Variants in NLRP5 observed in about 807,000 individuals in gnomAD.
NLRP5 encodes the protein NACHT, LRR and PYD domains-containing protein 5.
NLRP5 carries 93 observed loss-of-function variants against 113.1 expected under a neutral mutation model. The observed-to-expected ratio is 0.82, with a 90% CI of 0.70 to 0.98. The LOEUF (loss-of-function observed/expected upper bound fraction) is 0.98, where lower values mean the gene tolerates loss of function less well. Among genes scored for constraint, NLRP5 ranks in the 50% least tolerant of loss-of-function variants. The probability of loss-of-function intolerance (pLI) is 0.00; values close to 1 mark genes in which losing one functional copy is unlikely to be tolerated. For synonymous variants in NLRP5, 751 were observed against 600.7 expected (o/e 1.25, Z -3.66); for missense variants, 1,808 against 1,514.3 (o/e 1.19, Z -3.22).
Position 56,053,685 on chromosome 19 carries a change from G to C in NLRP5, c.3176G>C (p.Cys1059Ser), listed in dbSNP as rs769974825. The C allele has an allele frequency of 6.2e-7, 1 of 1,613,948 alleles. No individual in the cohort carries two copies. Among genetic ancestry groups the C allele is most frequent in the South Asian group, 1.1e-5 (1 of 91,074 alleles). ...GCCGCGTGCTGTGAGAGTCTGTCCT[G>C]TGTGATCTCGAGGAGCAGACACCTG... is the stretch of plus-strand genomic sequence containing the variant. The change falls in exon 13 of 15, where the codon TGT (cysteine) becomes TCT (serine). Residue 1059 changes from cysteine to serine, a missense_variant. Cys to Ser is a moderately radical substitution (Grantham distance 112). Coordinates refer to ENST00000390649, the MANE Select transcript of NLRP5 (RefSeq NM_153447.4).
At chr19:56,020,874 A>ATTTT (rs36047346) in intron 6 of NLRP5, among the ~76,000 whole-genome samples, 2 of 137,552 alleles carry the variant, frequency 1.5e-5, no homozygotes, top group African/African-American at 5.4e-5. Flanking sequence ...CCTTCGTGGC[A>ATTTT]TTTTTTTTTT....
intron 9 of NLRP5, among the ~76,000 whole-genome samples, chr19:56,035,841 G>C (rs368713788): frequency 2.0e-5 from 3 of 152,076 alleles, no homozygotes; most frequent in South Asian, 4.1e-4. Context: ...AAGATGGATT[G>C]GGCCACATCG....
chr19:55,998,841 C>T (rs181725224), upstream of NLRP5, among the ~76,000 whole-genome samples: 372 of 150,546 alleles, frequency 2.5e-3, 4 homozygotes, highest in African/African-American at 8.6e-3. Flanking sequence ...TTGCGAGGTA[C>T]AATGCGATGT....
At chr19:56,015,702 C>T (rs1568486300) in intron 3 of NLRP5, 40 bp from the exon 4 acceptor site, 2 of 1,496,420 alleles carry the variant, frequency 1.3e-6, no homozygotes, top group East Asian at 2.4e-5. Context: ...ATAATATACA[C>T]AGTATGTTTG....
chr19:56,056,862 G>A (rs538966012), intron 13 of NLRP5, among the ~76,000 whole-genome samples: 14 of 152,256 alleles, frequency 9.2e-5, no homozygotes, highest in Middle Eastern at 3.4e-3. Flanking sequence ...AATTCCAGCC[G>A]GGTGCGGTGG....
chr19:56,019,077 C>T (rs563240399), intron 4 of NLRP5, among the ~76,000 whole-genome samples: 9 of 152,090 alleles, frequency 5.9e-5, no homozygotes, highest in Admixed American at 2.6e-4. Flanking sequence ...ATTACAGGTG[C>T]GAACGACCAC....
At chr19:56,007,050 T>C (rs1981949088) in intron 2 of NLRP5, among the ~76,000 whole-genome samples, 2 of 151,412 alleles carry the variant, frequency 1.3e-5, no homozygotes, top group Admixed American at 1.3e-4. Flanking sequence ...AAAATAAAAT[T>C]TTTTAAAAAT....
chr19:56,061,308 A>C (rs1409916920), intron 14 of NLRP5, 88 bp from the exon 15 acceptor site: 2 of 1,448,476 alleles, frequency 1.4e-6, no homozygotes, highest in Non-Finnish European at 1.9e-6. Flanking sequence ...AAGGTTTGAG[A>C]TCCTTGATGA....
rs189013533 is a variant in NLRP5 at position 56,053,426 on chromosome 19, C to T, written c.3129-212C>T. On this transcript the variant is annotated intron_variant, in intron 12 of 14. Coordinates refer to ENST00000390649, the MANE Select transcript of NLRP5 (RefSeq NM_153447.4). ...AAAATTAATTAAAAAATAAAGATAC[C>T]TTCAATCACACCAGACACTTTCCCC... Among the ~76,000 whole-genome samples, 5 of 152,134 alleles carry T rather than the reference C, an allele frequency of 3.3e-5. No individual in the cohort carries two copies. In the East Asian group the frequency reaches 5.8e-4, roughly 18 times the overall value.
intron 11 of NLRP5, among the ~76,000 whole-genome samples, chr19:56,044,670 T>G (rs147658210): frequency 1.3e-5 from 2 of 152,308 alleles, no homozygotes; most frequent in African/African-American, 4.8e-5. Flanking sequence ...TTCTTTTTGC[T>G]GAGTTTTGCT....
chr19:56,000,275 A>AATGACAGTTGTCCAGGGACG, intron 1 of NLRP5, among the ~76,000 whole-genome samples: 1 of 152,224 alleles, frequency 6.6e-6, no homozygotes, highest in African/African-American at 2.4e-5. Context: ...CACTCTTTTC[A>AATGACAGTTGTCCAGGGACG]GAGGCCCTTC....
At chr19:56,058,876 T>C (rs914871704) in intron 14 of NLRP5, among the ~76,000 whole-genome samples, 6 of 152,198 alleles carry the variant, frequency 3.9e-5, no homozygotes, top group African/African-American at 1.2e-4. Flanking sequence ...AACAATGGAA[T>C]TGTATTCAGT....
chr19:56,026,633 C>T (rs1030121563), intron 6 of NLRP5, among the ~76,000 whole-genome samples: 2 of 149,952 alleles, frequency 1.3e-5, no homozygotes, highest in African/African-American at 4.9e-5. Context: ...GGCTGGAGTG[C>T]AGTGGTGTAA....
At chr19:56,051,199 T>C (rs1221592779) in intron 12 of NLRP5, among the ~76,000 whole-genome samples, 1 of 152,128 alleles carries the variant, frequency 6.6e-6, no homozygotes, top group East Asian at 1.9e-4. Flanking sequence ...TCTTTTTGTT[T>C]GTTTGTTTAT....
At chr19:56,041,228 C>T in intron 11 of NLRP5, 136 bp downstream of exon 11, 1 of 801,448 alleles carries the variant, frequency 1.2e-6, no homozygotes, top group South Asian at 1.8e-5. Flanking sequence ...TGAATTCTGT[C>T]CATGTCTCCT....
chr19:55,999,297 C>A (rs906882469), upstream of NLRP5, among the ~76,000 whole-genome samples: 2 of 149,210 alleles, frequency 1.3e-5, no homozygotes, highest in African/African-American at 5.0e-5. Context: ...TCACTGCAAC[C>A]TCTGCCTCCC....
At position 56,042,324 on chromosome 19, in the gene NLRP5, C is replaced by A. The variant is rs143301996; in HGVS notation, c.2957+1232C>A. ...TATTTTTCCAAAAGTTATTGGGGTA[C>A]AGGTGGTTACATGAGTAAGTTCTTT... On this transcript the variant is annotated intron_variant, in intron 11 of 14. Coordinates refer to ENST00000390649, the MANE Select transcript of NLRP5 (RefSeq NM_153447.4). 5.0e-3 allele frequency among the ~76,000 whole-genome samples: 758 copies of A among 152,190 alleles called. 9 individuals are homozygous for A. Among genetic ancestry groups the A allele is most frequent in the African/African-American group, 0.017 (719 of 41,512 alleles).
intron 3 of NLRP5, among the ~76,000 whole-genome samples, chr19:56,012,253 A>G (rs1408875437): frequency 4.6e-5 from 7 of 151,734 alleles, no homozygotes; most frequent in African/African-American, 1.7e-4. Flanking sequence ...GGTTCACACC[A>G]TTCTCCTGCC....
Position 56,040,046 on chromosome 19 carries a change from G to T in NLRP5, c.2787-876G>T, listed in dbSNP as rs116239043. Among the ~76,000 whole-genome samples, 973 of 152,234 alleles carry T rather than the reference G, an allele frequency of 6.4e-3. 6 individuals are homozygous for T. Among genetic ancestry groups the T allele is most frequent in the African/African-American group, 0.022 (920 of 41,536 alleles). On this transcript the variant is annotated intron_variant, in intron 10 of 14. Transcript: ENST00000390649. ...GCTCACTGCAGCCTCTACCTCCCAG[G>T]CTCCAGGGATCCTCCTGCCTCAGCT...
Sources: gnomAD v4.1 joint callset for allele counts (sites outside exome capture counted in the v4.1 genomes callset) on GRCh38, gnomAD v4.1.1 for gene constraint, MANE v1.5 for transcripts, NCBI Gene and HGNC (gene_info 2026-07-23, HGNC 2026-07-21) for gene names.